MYO16: variants seen among roughly 807,000 people sequenced by gnomAD.
MYO16 encodes the protein myosin XVI, also known as unconventional myosin-XVI.
In MYO16, 94 loss-of-function variants were observed where a neutral mutation model predicts 205.3. The ratio of observed to expected loss-of-function variants is 0.46; its 90% confidence interval spans 0.39 to 0.54. MYO16 has a LOEUF of 0.54. Ranked by LOEUF, MYO16 falls within the 20% of genes least tolerant of loss-of-function variation. The pLI is 0.00. For synonymous variants in MYO16, 988 were observed against 954.0 expected (o/e 1.04, Z -0.66); for missense variants, 2,315 against 2,387.5 (o/e 0.97, Z 0.63).
At chr13:108,734,890 C>T (rs1170275274) in intron 4 of MYO16, among the ~76,000 whole-genome samples, 1 of 152,162 alleles carries the variant, frequency 6.6e-6, no homozygotes, top group East Asian at 1.9e-4. Context: ...ATTCTGTCTG[C>T]AATGGAGCCT....
chr13:109,081,937 G>GT (rs1264799700), intron 27 of MYO16, among the ~76,000 whole-genome samples: 2 of 146,952 alleles, frequency 1.4e-5, no homozygotes, highest in African/African-American at 2.7e-5. Context: ...TCAGCAGCCT[G>GT]TTTTTTAAAT....
the MYO16 span, among the ~76,000 whole-genome samples, chr13:108,568,749 A>T: frequency 6.6e-6 from 1 of 151,748 alleles, no homozygotes; most frequent in Non-Finnish European, 1.5e-5. Context: ...TTTTGATGTC[A>T]TATCTAAAAA....
chr13:108,636,955 A>G (rs558654638), intron 1 of MYO16, among the ~76,000 whole-genome samples: 1 of 152,316 alleles, frequency 6.6e-6, no homozygotes, highest in South Asian at 2.1e-4. Context: ...AGGATGTGTA[A>G]ACATAATGCA....
Position 109,031,476 on chromosome 13 carries a change from A to G in MYO16, c.2796+11565A>G, listed in dbSNP as rs372467337. On this transcript the variant is annotated intron_variant, in intron 23 of 34. Transcript: ENST00000457511. Reference sequence around the variant, plus strand: ...GTGATTACTTTGATTTGATTTGTTAATAATAGACCTAAACTATTGGCACTG... The same window carrying G: ...GTGATTACTTTGATTTGATTTGTTAGTAATAGACCTAAACTATTGGCACTG... Among the ~76,000 whole-genome samples, 3 of 152,202 alleles carry G rather than the reference A, an allele frequency of 2.0e-5. No individual in the cohort carries two copies. In the East Asian group the frequency reaches 5.8e-4, roughly 29 times the overall value.
chr13:108,899,898 C>A (rs1347087701), intron 15 of MYO16, among the ~76,000 whole-genome samples: 1 of 152,222 alleles, frequency 6.6e-6, no homozygotes, highest in Non-Finnish European at 1.5e-5. Context: ...ATACTCCAGA[C>A]TGGCTGATGG....
intron 14 of MYO16, among the ~76,000 whole-genome samples, chr13:108,889,812 T>G (rs1313668063): frequency 6.6e-6 from 1 of 152,194 alleles, no homozygotes; most frequent in Non-Finnish European, 1.5e-5. Flanking sequence ...CCATACTGCC[T>G]CTCATTCTTA....
At chr13:108,816,524 T>C (rs1875617105) in intron 7 of MYO16, among the ~76,000 whole-genome samples, 1 of 152,074 alleles carries the variant, frequency 6.6e-6, no homozygotes, top group Non-Finnish European at 1.5e-5. Flanking sequence ...TTCTGTAAGC[T>C]GTTTTTCTTG....
At chr13:108,879,107 G>C (rs1879472691) in intron 12 of MYO16, among the ~76,000 whole-genome samples, 1 of 152,184 alleles carries the variant, frequency 6.6e-6, no homozygotes, top group Non-Finnish European at 1.5e-5. Flanking sequence ...CACTCCAGAA[G>C]TCCCTTAAAC....
intron 34 of MYO16, among the ~76,000 whole-genome samples, chr13:109,197,933 T>A (rs1880227200): frequency 6.6e-6 from 1 of 152,200 alleles, no homozygotes; most frequent in African/African-American, 2.4e-5. Context: ...ATTCTATTCA[T>A]CAAGTTCCGT....
At chr13:108,783,684 T>A (rs1214154378) in intron 4 of MYO16, among the ~76,000 whole-genome samples, 1 of 152,184 alleles carries the variant, frequency 6.6e-6, no homozygotes, top group African/African-American at 2.4e-5. Context: ...GGAGAGGTCA[T>A]TGAATCATGG....
At chr13:108,801,979 A>G (rs1464008148) in intron 6 of MYO16, among the ~76,000 whole-genome samples, 1 of 152,190 alleles carries the variant, frequency 6.6e-6, no homozygotes, top group African/African-American at 2.4e-5. Flanking sequence ...TTGACAAATA[A>G]TACTTATATG....
chr13:108,667,473 G>T (rs1881792787), intron 2 of MYO16, among the ~76,000 whole-genome samples: 1 of 152,038 alleles, frequency 6.6e-6, no homozygotes, highest in Admixed American at 6.6e-5. Flanking sequence ...AAGCTGTCTG[G>T]AGCACTCTGA....
At chr13:108,675,755 C>T (rs965307022) in intron 2 of MYO16, among the ~76,000 whole-genome samples, 20 of 152,086 alleles carry the variant, frequency 1.3e-4, no homozygotes, top group African/African-American at 3.4e-4. Context: ...GCGATGGAGC[C>T]GGAAGAAAGC....
At chr13:108,922,251 A>AGAGGAAAGAG (rs370031454) in intron 16 of MYO16, among the ~76,000 whole-genome samples, 12,158 of 151,960 alleles carry the variant, frequency 0.08, 669 homozygotes, top group Middle Eastern at 0.24. Context: ...ATGGACAAGG[A>AGAGGAAAGAG]GAGGAAAGAG....
intron 12 of MYO16, among the ~76,000 whole-genome samples, chr13:108,870,216 A>G (rs1001747518): frequency 7.2e-5 from 11 of 152,050 alleles, no homozygotes; most frequent in South Asian, 2.1e-4. Context: ...TTTGTGAATT[A>G]TAATTCCTGA....
intron 9 of MYO16, among the ~76,000 whole-genome samples, chr13:108,830,637 T>C (rs12875192): frequency 6.9e-6 from 1 of 144,426 alleles, no homozygotes; most frequent in Admixed American, 6.9e-5. Context: ...GGAGGGATAG[T>C]ATTGGGAGAT....
At chr13:109,165,833 T>G (rs572154400) in intron 33 of MYO16, among the ~76,000 whole-genome samples, 1 of 152,124 alleles carries the variant, frequency 6.6e-6, no homozygotes, top group South Asian at 2.1e-4. Context: ...CTTCTCAAAT[T>G]ACAGGGCAAG....
intron 34 of MYO16, among the ~76,000 whole-genome samples, chr13:109,193,142 T>TCA (rs957554308): frequency 5.9e-5 from 9 of 151,764 alleles, no homozygotes; most frequent in South Asian, 2.1e-4. Flanking sequence ...TCTCTCTCTC[T>TCA]CACACACACA....
intron 4 of MYO16, 92 bp from the exon 5 acceptor site, chr13:108,785,543 A>G: frequency 1.5e-6 from 1 of 658,708 alleles, no homozygotes; most frequent in Non-Finnish European, 2.4e-6. Flanking sequence ...CTATTTCTGC[A>G]TCTGTTTCCC....
Sources: gnomAD v4.1 joint callset for allele counts (sites outside exome capture counted in the v4.1 genomes callset) on GRCh38, gnomAD v4.1.1 for gene constraint, MANE v1.5 for transcripts, NCBI Gene and HGNC (gene_info 2026-07-23, HGNC 2026-07-21) for gene names.